Variants in NUP210 observed in about 807,000 individuals in gnomAD.
The protein encoded by NUP210 is nuclear pore membrane glycoprotein 210.
In NUP210, 151 loss-of-function variants were observed where a neutral mutation model predicts 196.0. The ratio of observed to expected loss-of-function variants is 0.77; its 90% confidence interval spans 0.67 to 0.88. NUP210 has a LOEUF of 0.88. NUP210 is among the 40% of genes least tolerant of loss of function. The probability of loss-of-function intolerance (pLI) is 0.00; values close to 1 mark genes in which losing one functional copy is unlikely to be tolerated. For missense variants in NUP210, 2,314 were observed against 2,493.7 expected (o/e 0.93, Z 1.53); for synonymous variants, 1,070 against 1,052.7 (o/e 1.02, Z -0.32).
At chr3:13,407,202 T>C (rs1037985467) in intron 1 of NUP210, among the ~76,000 whole-genome samples, 10 of 151,184 alleles carry the variant, frequency 6.6e-5, no homozygotes, top group Non-Finnish European at 1.3e-4. Flanking sequence ...AATGAAGGAG[T>C]TGTGGTCCTG....
chr3:13,369,158 T>A (rs1293559567), intron 13 of NUP210, among the ~76,000 whole-genome samples: 1 of 152,212 alleles, frequency 6.6e-6, no homozygotes, highest in Non-Finnish European at 1.5e-5. Flanking sequence ...ATTGTGGGTT[T>A]GATTTGCACC....
chr3:13,327,082 G>A, intron 32 of NUP210, 135 bp downstream of exon 32: 1 of 666,908 alleles, frequency 1.5e-6, no homozygotes, highest in East Asian at 2.7e-5. Flanking sequence ...CAGTTTTGGA[G>A]CACTGCTCCT....
Position 13,358,221 on chromosome 3 carries a change from C to G in NUP210, c.2328+1G>C. On this transcript the variant is annotated splice_donor_variant, in intron 16 of 39. Transcript: ENST00000254508. LOFTEE classifies it high-confidence loss of function. ...TCCTCCCGAGCATAGCCCACACTCACCACCTGCTTGTTCTGCTGCAGCAGC... is the reference window on the plus strand; with the variant it reads ...TCCTCCCGAGCATAGCCCACACTCAGCACCTGCTTGTTCTGCTGCAGCAGC... 6.2e-7 allele frequency: 1 copy of G among 1,603,784 alleles called. No individual in the cohort carries two copies. The highest frequency in any genetic ancestry group is 8.5e-7 in the Non-Finnish European group (1 of 1,173,472).
intron 20 of NUP210, among the ~76,000 whole-genome samples, chr3:13,345,883 C>T (rs1697703252): frequency 6.6e-6 from 1 of 152,150 alleles, no homozygotes; most frequent in African/African-American, 2.4e-5. Context: ...CTTTGAGAAC[C>T]CAATTTAAGG....
intron 5 of NUP210, 78 bp downstream of exon 5, chr3:13,388,225 G>A: frequency 8.9e-7 from 1 of 1,126,516 alleles, no homozygotes; most frequent in South Asian, 1.5e-5. Flanking sequence ...CTATAGGTGT[G>A]ATGGTACCTA....
In NUP210 at chr3:13,376,392, C is replaced by A. The variant is rs745840712; in HGVS notation, c.1192G>T (p.Glu398Ter). ...CCATTCTGGGAGGACGAGAGCACCT[C>A]GAAGAACTCAGCAGGAAGCACAGTT... ...IETVLPAEFFEVLSSSQNGSY... is the reference protein window; with the variant it reads ...IETVLPAEFF Residue 398 changes from glutamate (E) to a stop codon, truncating the protein, a stop_gained, in exon 10 of 40, where the codon GAG becomes TAG. Transcript: ENST00000254508. LOFTEE classifies it high-confidence loss of function. 4 of 1,614,192 alleles carry A rather than the reference C, an allele frequency of 2.5e-6. No homozygotes were observed. The highest frequency in any genetic ancestry group is 3.4e-6 in the Non-Finnish European group (4 of 1,180,036).
intron 1 of NUP210, among the ~76,000 whole-genome samples, chr3:13,408,485 TTTTC>T (rs1338105177): frequency 1.3e-5 from 2 of 152,142 alleles, no homozygotes; most frequent in African/African-American, 4.8e-5. Context: ...GGGCTTACAG[TTTTC>T]TTTATGAAAA....
At chr3:13,396,324 A>G (rs1699653158) in intron 3 of NUP210, among the ~76,000 whole-genome samples, 1 of 152,192 alleles carries the variant, frequency 6.6e-6, no homozygotes, top group African/African-American at 2.4e-5. Flanking sequence ...CAAAAACAGG[A>G]GCTAGAGTTG....
chr3:13,337,668 T>G (rs1482327547), intron 26 of NUP210, among the ~76,000 whole-genome samples, 169 bp downstream of exon 26: 1 of 152,154 alleles, frequency 6.6e-6, no homozygotes, highest in Non-Finnish European at 1.5e-5. Context: ...CATCAGTGGC[T>G]ACCAGAGAGC....
chr3:13,376,223 C>A, intron 10 of NUP210, 68 bp downstream of exon 10: 1 of 1,567,634 alleles, frequency 6.4e-7, no homozygotes, highest in Non-Finnish European at 8.7e-7. Flanking sequence ...CCCTCCTGGG[C>A]TGACATTTCT....
intron 2 of NUP210, 119 bp downstream of exon 2, chr3:13,399,606 C>T: frequency 7.3e-7 from 1 of 1,363,294 alleles, no homozygotes; most frequent in Non-Finnish European, 1.0e-6. Flanking sequence ...GGGTGTCCTG[C>T]CACTCAACAA....
In NUP210 at chr3:13,322,333, C is replaced by T. The variant is rs1306837701; in HGVS notation, c.4775G>A (p.Cys1592Tyr). The T allele has an allele frequency of 6.2e-7, 1 of 1,614,220 alleles. No individual in the cohort carries two copies. The highest frequency in any genetic ancestry group is 8.5e-7 in the Non-Finnish European group (1 of 1,180,036). Residue 1592 changes from cysteine (C) to tyrosine (Y), a missense_variant, in exon 35 of 40, where the codon TGC (cysteine) becomes TAC (tyrosine). Cys to Tyr is a radical substitution (Grantham distance 194). Transcript: ENST00000254508. ...GDRSSNLRGECTPTQREVIQA... is the reference protein window; with the variant it reads ...GDRSSNLRGEYTPTQREVIQA... Reference sequence around the variant, plus strand: ...GATGACTTCCCTCTGGGTGGGGGTGCACTCGCCTAGAGAGGGGAGAGACGA... The same window carrying T: ...GATGACTTCCCTCTGGGTGGGGGTGTACTCGCCTAGAGAGGGGAGAGACGA...
In NUP210 at chr3:13,330,467, G is replaced by A. The variant is rs1213294790; in HGVS notation, c.4103C>T (p.Ala1368Val). Residue 1368 changes from alanine (A) to valine (V), a missense_variant, in exon 30 of 40, where the codon GCT (alanine) becomes GTT (valine). Transcript: ENST00000254508. ...AGGAGAATGCAACCCTACCTTTACA[G>A]CAACAATGATGGTTTGGTTGGCCCC... ...PFGANQTIIV[A>V]VKVSPVSYLR... 6.2e-7 allele frequency: 1 copy of A among 1,613,758 alleles called. No individual in the cohort carries two copies. The highest frequency in any genetic ancestry group is 2.2e-5 in the East Asian group (1 of 44,888).
At chr3:13,339,737 C>G (rs1167879683) in intron 25 of NUP210, 117 bp downstream of exon 25, 1 of 935,868 alleles carries the variant, frequency 1.1e-6, no homozygotes, top group Non-Finnish European at 1.7e-6. Context: ...ACTGCAGACC[C>G]AGGGGGCAGA....
Position 13,420,029 on chromosome 3 carries a change from G to T in NUP210, c.167+31C>A, listed in dbSNP as rs1443536260. On this transcript the variant is annotated intron_variant, in intron 1 of 39. Transcript: ENST00000254508. The surrounding 1 kb of genome is among the most constrained non-coding windows in gnomAD (Gnocchi z 4.8). ...AGCGCGAAGGCCCAGCCCGGCCCAC[G>T]GCGCCCGCCCGGCCCGGCCGCGCGC... 2 of 1,175,406 alleles carry T rather than the reference G, an allele frequency of 1.7e-6. No individual in the cohort carries two copies. The highest frequency in any genetic ancestry group is 1.1e-6 in the Non-Finnish European group (1 of 945,068). 72.8% of individuals were successfully genotyped at this position (1,175,406 alleles called of 1,614,324 possible). A position where few individuals can be genotyped will look rare whatever the true frequency, so the allele number is the denominator to read the frequency against.
rs143113963 is a variant in NUP210, at chr3:13,397,361, G to A, written c.432C>T (p.Ser144=). 113 of 1,609,192 alleles carry A rather than the reference G, an allele frequency of 7.0e-5. No homozygotes were observed. Among genetic ancestry groups the A allele is most frequent in the Non-Finnish European group, 8.7e-5 (103 of 1,178,380 alleles). Residue 144 remains serine, a synonymous_variant, in exon 3 of 40, where the codon TCC becomes TCT. Coordinates refer to ENST00000254508, the MANE Select transcript of NUP210 (RefSeq NM_024923.4). ...PLELKIQALD[S]EGNTFSTLAG... ...ACAGGCAGGGGACGTTCTCACCTTC[G>A]GAGTCCAGGGCCTGGATCTTCAGCT...
chr3:13,373,032 G>C (rs997789527), intron 12 of NUP210, among the ~76,000 whole-genome samples: 5 of 152,146 alleles, frequency 3.3e-5, no homozygotes, highest in African/African-American at 1.2e-4. Flanking sequence ...TGGGTCTCAA[G>C]CGGAAGACTG....
chr3:13,361,128 C>T (rs1698355109), intron 14 of NUP210, among the ~76,000 whole-genome samples: 1 of 152,216 alleles, frequency 6.6e-6, no homozygotes, highest in African/African-American at 2.4e-5. Flanking sequence ...TCCTTGCTGG[C>T]ATCATTGCCA....
intron 17 of NUP210, 77 bp from the exon 18 acceptor site, chr3:13,353,737 A>G: frequency 7.3e-7 from 1 of 1,378,344 alleles, no homozygotes; most frequent in Non-Finnish European, 1.0e-6. Flanking sequence ...CCTCCTTCTG[A>G]TTTGCAGTTT....
Sources: gnomAD v4.1 joint callset for allele counts (sites outside exome capture counted in the v4.1 genomes callset) on GRCh38, gnomAD v4.1.1 for gene constraint, Gnocchi (gnomAD v3.1) non-coding constraint, MANE v1.5 for transcripts, NCBI Gene and HGNC (gene_info 2026-07-23, HGNC 2026-07-21) for gene names.